PRKG1: variants seen among roughly 807,000 people sequenced by gnomAD.
PRKG1 encodes the protein protein kinase cGMP-dependent 1, also known as cGMP-dependent protein kinase 1.
PRKG1 carries 35 observed loss-of-function variants against 88.1 expected under a neutral mutation model. The ratio of observed to expected loss-of-function variants is 0.40; its 90% CI spans 0.30 to 0.53. PRKG1 has a LOEUF of 0.53. PRKG1 is among the 20% of genes least tolerant of loss of function. PRKG1 has a pLI of 0.59. For missense variants in PRKG1, 540 were observed against 839.8 expected, an observed-to-expected ratio of 0.64 and a Z score of 4.41; for synonymous variants, 303 against 292.5, an observed-to-expected ratio of 1.04 and a Z score of -0.37.
At chr10:51,937,630 T>C (rs1842823433) in intron 5 of PRKG1, among the ~76,000 whole-genome samples, 1 of 152,098 alleles carries the variant, frequency 6.6e-6, no homozygotes. Context: ...TTTATCTAAC[T>C]TCTTAGAAAT....
chr10:52,255,550 T>C (rs947638798), intron 10 of PRKG1, among the ~76,000 whole-genome samples: 3 of 152,060 alleles, frequency 2.0e-5, no homozygotes, highest in African/African-American at 7.2e-5. Context: ...GATTATATTC[T>C]TTCTGCATCA....
intron 2 of PRKG1, among the ~76,000 whole-genome samples, chr10:51,218,522 TATATATATAA>T (rs567194255): frequency 0.024 from 3,152 of 128,704 alleles, 108 homozygotes; most frequent in African/African-American, 0.04. Flanking sequence ...TATATATATA[TATATATATAA>T]AATGTGTGTA....
intron 2 of PRKG1, among the ~76,000 whole-genome samples, chr10:51,365,770 T>C (rs1377468010): frequency 1.3e-5 from 2 of 151,890 alleles, no homozygotes; most frequent in African/African-American, 4.8e-5. Context: ...TATTCCTTAG[T>C]ATCTCTCTTA....
At position 51,908,699 on chromosome 10, in the gene PRKG1, C is replaced by CTATCTATCTATCTA. The variant is rs1491278912; in HGVS notation, c.762+1130_762+1131insATCTATCTATCTAT. On this transcript the variant is annotated intron_variant, in intron 5 of 17. Coordinates refer to ENST00000373980, the MANE Select transcript of PRKG1 (RefSeq NM_006258.4). ...AAAAATCATCAGATTGTGACTCTCT[C>CTATCTATCTATCTA]TCTCTCTCTCTCTCTGTCTATCTAT... 113 of 95,008 alleles carry CTATCTATCTATCTA rather than the reference C, an allele frequency of 1.2e-3. 1 individual carries two copies. Among genetic ancestry groups the CTATCTATCTATCTA allele is most frequent in the South Asian group, 3.5e-3 (12 of 3,420 alleles). The allele number at this position is 95,008 out of a possible 1,614,324, so 5.9% of individuals were successfully genotyped here.
At chr10:51,579,829 G>A (rs1837985349) in intron 3 of PRKG1, among the ~76,000 whole-genome samples, 2 of 151,960 alleles carry the variant, frequency 1.3e-5, no homozygotes, top group African/African-American at 2.4e-5. Context: ...CACTTTTTAT[G>A]TGAAGAGTCT....
chr10:52,172,193 A>T (rs185673309), intron 9 of PRKG1, among the ~76,000 whole-genome samples: 1 of 152,298 alleles, frequency 6.6e-6, no homozygotes, highest in East Asian at 1.9e-4. Flanking sequence ...AGACTTTATA[A>T]ATGTGAATCC....
chr10:51,667,004 G>A (rs528018051), intron 3 of PRKG1, among the ~76,000 whole-genome samples: 3 of 151,862 alleles, frequency 2.0e-5, no homozygotes, highest in Non-Finnish European at 4.4e-5. Context: ...CACCATGTTG[G>A]TTGGCCAGGC....
At chr10:52,249,584 G>C (rs942703708) in intron 9 of PRKG1, among the ~76,000 whole-genome samples, 2 of 152,080 alleles carry the variant, frequency 1.3e-5, no homozygotes, top group South Asian at 4.1e-4. Flanking sequence ...TGAGAATTTT[G>C]GGGGTGCTTT....
intron 2 of PRKG1, among the ~76,000 whole-genome samples, chr10:51,216,517 A>T (rs531974863): frequency 0.018 from 2,743 of 152,280 alleles, 40 homozygotes; most frequent in Middle Eastern, 0.045. Flanking sequence ...TGGTTTTAAA[A>T]AACCCGAATA....
At chr10:51,121,620 T>G (rs1304928660) in intron 1 of PRKG1, among the ~76,000 whole-genome samples, 1 of 152,112 alleles carries the variant, frequency 6.6e-6, no homozygotes, top group Non-Finnish European at 1.5e-5. Context: ...TATAAATAAT[T>G]GAAGATTTAA....
intron 1 of PRKG1, among the ~76,000 whole-genome samples, chr10:51,023,526 C>T (rs1366650912): frequency 1.3e-5 from 2 of 152,136 alleles, no homozygotes; most frequent in Non-Finnish European, 2.9e-5. Flanking sequence ...TAGAAGAAAT[C>T]GTGACCTGTG....
At chr10:51,465,233 C>T (rs954356074) in intron 2 of PRKG1, among the ~76,000 whole-genome samples, 1 of 151,972 alleles carries the variant, frequency 6.6e-6, no homozygotes, top group Non-Finnish European at 1.5e-5. Flanking sequence ...TGAGCTAAAA[C>T]AATAGTCCTG....
chr10:51,969,998 T>G (rs1843664927), intron 5 of PRKG1, among the ~76,000 whole-genome samples: 2 of 97,132 alleles, frequency 2.1e-5, no homozygotes, highest in Non-Finnish European at 4.2e-5. Context: ...CCCATTCTCT[T>G]CATACACACA....
intron 3 of PRKG1, among the ~76,000 whole-genome samples, chr10:51,712,580 CTTTTTTTTTTTTTTT>C (rs60053336): frequency 8.6e-4 from 83 of 96,036 alleles, no homozygotes; most frequent in African/African-American, 3.4e-3. Context: ...AATATTATTC[CTTTTTTTTTTTTTTT>C]TTTTTTTTTT....
rs1838869574 is a variant in PRKG1, at chr10:51,434,725, T to C, written c.479-32998T>C. Among the ~76,000 whole-genome samples, 6 of 152,120 alleles carry C rather than the reference T, an allele frequency of 3.9e-5. No individual in the cohort carries two copies. The South Asian group carries it at 1.0e-3, about 26-fold the overall frequency. On this transcript the variant is annotated intron_variant, in intron 2 of 17. Coordinates refer to ENST00000373980, the MANE Select transcript of PRKG1 (RefSeq NM_006258.4). ...TTTTAGGAATTATGGGATGTTCAGA[T>C]TTATGGTTTCCATGTATGTGAAGTG... is the stretch of plus-strand genomic sequence containing the variant.
At chr10:51,678,831 T>G (rs980970210) in intron 3 of PRKG1, among the ~76,000 whole-genome samples, 3 of 152,184 alleles carry the variant, frequency 2.0e-5, no homozygotes, top group African/African-American at 7.2e-5. Flanking sequence ...AAACAGTGGC[T>G]GGATGTTCCA....
intron 2 of PRKG1, among the ~76,000 whole-genome samples, chr10:51,206,490 T>TAA (rs772696558): frequency 1.6e-5 from 2 of 126,174 alleles, no homozygotes; most frequent in Non-Finnish European, 3.4e-5. Flanking sequence ...AAACTCCATC[T>TAA]AAAAAAAAAA....
chr10:51,857,080 T>C (rs901671143), intron 4 of PRKG1, among the ~76,000 whole-genome samples: 2 of 152,110 alleles, frequency 1.3e-5, no homozygotes, highest in Non-Finnish European at 2.9e-5. Context: ...CTGATGGTCA[T>C]ACTCACAATT....
intron 3 of PRKG1, among the ~76,000 whole-genome samples, chr10:51,710,330 T>C (rs1279348219): frequency 6.6e-6 from 1 of 152,240 alleles, no homozygotes; most frequent in African/African-American, 2.4e-5. Flanking sequence ...CTGCTGTTCA[T>C]CCATTGACCC....
Sources: allele counts gnomAD v4.1 joint callset (sites outside exome capture counted in the v4.1 genomes callset), GRCh38; gene constraint gnomAD v4.1.1; transcripts MANE v1.5; gene names NCBI Gene and HGNC (gene_info 2026-07-23, HGNC 2026-07-21).